The following STX8 variants were observed in gnomAD, a reference collection of about 807,000 sequenced individuals.
STX8 encodes the protein syntaxin-8.
A neutral mutation model predicts 37.5 loss-of-function variants in STX8; 23 were observed. The ratio of observed to expected loss-of-function variants is 0.61; its 90% confidence interval spans 0.44 to 0.87. The LOEUF is 0.87. STX8 is among the 40% of genes least tolerant of loss of function. The probability of loss-of-function intolerance (pLI) is 0.00; values close to 1 mark genes in which losing one functional copy is unlikely to be tolerated. For missense variants in STX8, 313 were observed against 284.7 expected, an observed-to-expected ratio of 1.10 and a Z score of -0.71; for synonymous variants, 115 against 99.1, an observed-to-expected ratio of 1.16 and a Z score of -0.95.
At chr17:9,349,879 T>C (rs910979148) in intron 7 of STX8, among the ~76,000 whole-genome samples, 5 of 152,090 alleles carry the variant, frequency 3.3e-5, no homozygotes, top group African/African-American at 1.2e-4. Flanking sequence ...ACTACTGGCA[T>C]GCACCACCAC....
chr17:9,286,020 T>C (rs775695692), intron 7 of STX8, among the ~76,000 whole-genome samples: 1 of 151,850 alleles, frequency 6.6e-6, no homozygotes, highest in Non-Finnish European at 1.5e-5. Flanking sequence ...CCGAGGGAAA[T>C]AGCAGACTTG....
At chr17:9,365,376 G>A (rs1342816059) in intron 7 of STX8, among the ~76,000 whole-genome samples, 1 of 152,216 alleles carries the variant, frequency 6.6e-6, no homozygotes, top group Non-Finnish European at 1.5e-5. Flanking sequence ...TTCCCTGTCT[G>A]GCCCTTGAAG....
intron 5 of STX8, among the ~76,000 whole-genome samples, chr17:9,500,738 C>T (rs766644019): frequency 6.6e-6 from 1 of 152,344 alleles, no homozygotes; most frequent in South Asian, 2.1e-4. Flanking sequence ...CGTGCTGGCT[C>T]ACGCCTGTAA....
At chr17:9,259,993 G>A (rs1281019112) in intron 7 of STX8, among the ~76,000 whole-genome samples, 1 of 152,002 alleles carries the variant, frequency 6.6e-6, no homozygotes, top group East Asian at 1.9e-4. Flanking sequence ...CACGGCGGGT[G>A]GATTGCATGA....
At chr17:9,505,589 C>G (rs755136767) in intron 4 of STX8, among the ~76,000 whole-genome samples, 1 of 152,070 alleles carries the variant, frequency 6.6e-6, no homozygotes, top group East Asian at 1.9e-4. Flanking sequence ...CACAATGTTG[C>G]GACTACAGAT....
chr17:9,374,458 C>A (rs1009937065), intron 7 of STX8, among the ~76,000 whole-genome samples: 5 of 152,096 alleles, frequency 3.3e-5, no homozygotes, highest in African/African-American at 1.2e-4. Context: ...CCACAATATG[C>A]TTTGTGTTCA....
intron 7 of STX8, among the ~76,000 whole-genome samples, chr17:9,295,799 CT>C: frequency 8.1e-6 from 1 of 123,814 alleles, no homozygotes; most frequent in East Asian, 2.1e-4. Flanking sequence ...AATCCCAGCA[CT>C]TTGGGAGGCC....
At chr17:9,273,028 A>C (rs1442779948) in intron 7 of STX8, among the ~76,000 whole-genome samples, 2 of 152,268 alleles carry the variant, frequency 1.3e-5, no homozygotes, top group Non-Finnish European at 2.9e-5. Flanking sequence ...ATCAAACTTA[A>C]CAACAACAAA....
chr17:9,505,316 T>C (rs1343821781), intron 4 of STX8, among the ~76,000 whole-genome samples, 154 bp from the exon 5 acceptor site: 1 of 152,228 alleles, frequency 6.6e-6, no homozygotes, highest in Non-Finnish European at 1.5e-5. Context: ...GGAACTGTAT[T>C]CAGTGCTGGA....
chr17:9,346,260 C>T (rs916940027), intron 7 of STX8, among the ~76,000 whole-genome samples: 1 of 152,174 alleles, frequency 6.6e-6, no homozygotes, highest in African/African-American at 2.4e-5. Context: ...CTTTGCCTTT[C>T]AGTATCACTC....
chr17:9,447,660 T>C (rs1312545358), intron 6 of STX8, among the ~76,000 whole-genome samples: 1 of 151,836 alleles, frequency 6.6e-6, no homozygotes, highest in Non-Finnish European at 1.5e-5. Context: ...TGACCTCAAG[T>C]GATCCACCAG....
Position 9,271,334 on chromosome 17 carries a change from A to G in STX8, c.644-20689T>C, listed in dbSNP as rs141073465. Among the ~76,000 whole-genome samples, 791 of 152,160 alleles carry G rather than the reference A, an allele frequency of 5.2e-3. 6 individuals are homozygous for G. The highest frequency in any genetic ancestry group is 0.031 in the South Asian group (148 of 4,812). On this transcript the variant is annotated intron_variant, in intron 7 of 7. Coordinates refer to ENST00000306357, the MANE Select transcript of STX8 (RefSeq NM_004853.3). ...CTGGGCGTGATGGCATGTGCCTGTAATCCCAATTACTCAGGTGGCTGAAGG... is the reference window on the plus strand; with the variant it reads ...CTGGGCGTGATGGCATGTGCCTGTAGTCCCAATTACTCAGGTGGCTGAAGG...
intron 4 of STX8, among the ~76,000 whole-genome samples, chr17:9,517,788 TA>T (rs11318149): frequency 0.58 from 57,139 of 98,096 alleles, 17,059 homozygotes; most frequent in Middle Eastern, 0.79. Flanking sequence ...ACCCCTATTG[TA>T]AAAAAAAAAA....
chr17:9,346,001 G>A (rs1296369400), intron 7 of STX8, among the ~76,000 whole-genome samples: 5 of 151,648 alleles, frequency 3.3e-5, no homozygotes, highest in East Asian at 1.9e-4. Context: ...ACAGGCACAC[G>A]CCACCACACC....
At chr17:9,365,089 C>T (rs1328087985) in intron 7 of STX8, among the ~76,000 whole-genome samples, 6 of 151,386 alleles carry the variant, frequency 4.0e-5, no homozygotes, top group Admixed American at 2.0e-4. Flanking sequence ...ACAGGCCTGG[C>T]GTCTGCCTAG....
At chr17:9,560,089 C>T (rs564298526) in intron 2 of STX8, among the ~76,000 whole-genome samples, 84 of 150,688 alleles carry the variant, frequency 5.6e-4, no homozygotes, top group African/African-American at 1.9e-3. Flanking sequence ...CAGTAGAGGC[C>T]GGGCTGAAAG....
At chr17:9,453,176 G>A (rs565603061) in intron 6 of STX8, among the ~76,000 whole-genome samples, 3 of 152,164 alleles carry the variant, frequency 2.0e-5, no homozygotes, top group Admixed American at 1.3e-4. Flanking sequence ...GTGGGGATCC[G>A]AAAGGTTAAT....
chr17:9,324,715 T>C (rs1200671123), intron 7 of STX8, among the ~76,000 whole-genome samples: 1 of 142,510 alleles, frequency 7.0e-6, no homozygotes, highest in Non-Finnish European at 1.5e-5. Context: ...CAGTGAGCCA[T>C]GATTGTACCA....
intron 6 of STX8, among the ~76,000 whole-genome samples, chr17:9,486,902 C>G (rs1657401489): frequency 6.6e-6 from 1 of 152,062 alleles, no homozygotes; most frequent in Non-Finnish European, 1.5e-5. Context: ...GTCATGAGCC[C>G]TTTGTGCCCT....
Sources: allele counts gnomAD v4.1 joint callset (sites outside exome capture counted in the v4.1 genomes callset), GRCh38; gene constraint gnomAD v4.1.1; transcripts MANE v1.5; gene names NCBI Gene and HGNC (gene_info 2026-07-23, HGNC 2026-07-21).